KMO: variants seen among roughly 807,000 people sequenced by gnomAD.
KMO encodes the protein kynurenine 3-monooxygenase, also known as kynurenine 3-hydroxylase.
In KMO, 24 loss-of-function variants were observed where a neutral mutation model predicts 57.8. The ratio of observed to expected loss-of-function variants is 0.42; its 90% CI spans 0.30 to 0.58. The LOEUF (loss-of-function observed/expected upper bound fraction) is 0.58. Among genes scored for constraint, KMO ranks in the 20% least tolerant of loss-of-function variants. The pLI, the probability that KMO is intolerant of heterozygous loss-of-function variation, is 0.22. For synonymous variants in KMO, 210 were observed against 193.6 expected, an observed-to-expected ratio of 1.08 and a Z score of -0.70; for missense variants, 483 against 588.2, an observed-to-expected ratio of 0.82 and a Z score of 1.85.
chr1:241,576,291 T>C (rs1366849418), intron 10 of KMO, among the ~76,000 whole-genome samples: 1 of 152,102 alleles, frequency 6.6e-6, no homozygotes, highest in Non-Finnish European at 1.5e-5. Flanking sequence ...AGGTGCTGTT[T>C]CAGTCATCAT....
At chr1:241,566,418 A>G in intron 8 of KMO, 73 bp from the exon 9 acceptor site, 5 of 1,513,264 alleles carry the variant, frequency 3.3e-6, no homozygotes, top group Non-Finnish European at 8.9e-7. Flanking sequence ...AAGTCTTGTG[A>G]TTTCAGGAGC....
chr1:241,549,603 G>A (rs1279019989), intron 2 of KMO, 74 bp from the exon 3 acceptor site: 1 of 825,626 alleles, frequency 1.2e-6, no homozygotes, highest in Non-Finnish European at 2.0e-6. Context: ...CAGTTGTTCA[G>A]ATGCAGTAAT....
intron 1 of KMO, among the ~76,000 whole-genome samples, chr1:241,535,352 G>GA (rs199925918): frequency 6.7e-4 from 99 of 148,570 alleles, no homozygotes; most frequent in African/African-American, 2.3e-3. Flanking sequence ...CTGGCCCCTA[G>GA]AAAAAAAAAT....
At chr1:241,546,313 C>A (rs775828277) in intron 1 of KMO, among the ~76,000 whole-genome samples, 3 of 152,176 alleles carry the variant, frequency 2.0e-5, no homozygotes, top group Non-Finnish European at 4.4e-5. Context: ...AAGTCCTCAG[C>A]CTCTCTTGCA....
In KMO at chr1:241,594,299, C is replaced by A; in HGVS notation, c.*2146C>A. ...GAGGCCCAAGAGCATATGGGCAATT[C>A]GGATTTCCTGCTGGACCACAAGGTT... On this transcript the variant is annotated 3_prime_UTR_variant, in exon 15 of 15. Coordinates refer to ENST00000366559, the MANE Select transcript of KMO (RefSeq NM_003679.5). 2 of 1,053,858 alleles carry A rather than the reference C, an allele frequency of 1.9e-6. No homozygotes were observed. The highest frequency in any genetic ancestry group is 2.7e-6 in the Non-Finnish European group (2 of 729,620). 65.3% of individuals were successfully genotyped at this position (1,053,858 alleles called of 1,614,324 possible).
At chr1:241,547,013 G>A (rs762129826) in intron 1 of KMO, among the ~76,000 whole-genome samples, 9 of 152,112 alleles carry the variant, frequency 5.9e-5, no homozygotes, top group East Asian at 1.9e-4. Flanking sequence ...TTTAGTTAAC[G>A]GTATTGACTA....
At chr1:241,581,602 G>A (rs604958) in intron 10 of KMO, among the ~76,000 whole-genome samples, 134,760 of 152,018 alleles carry the variant, frequency 0.89, 59,797 homozygotes, top group Middle Eastern at 0.94. Context: ...AAGAAAGAAA[G>A]AAGAAAAAAA....
In KMO at chr1:241,592,039, T is replaced by C; in HGVS notation, c.1347T>C (p.Ser449=). The part of the protein sequence containing the change: ...YLLIHYMSPR[S]FLRLRRPWNW... ...TTATACACTACATGTCACCACGATCTTTCCTCCGCTTGAGAAGACCATGGA... is the reference window on the plus strand; with the variant it reads ...TTATACACTACATGTCACCACGATCCTTCCTCCGCTTGAGAAGACCATGGA... The change falls in exon 15 of 15, where the codon TCT becomes TCC. Residue 449 remains serine (S), a synonymous_variant. Transcript: ENST00000366559. 1 of 1,613,992 alleles carries C rather than the reference T, an allele frequency of 6.2e-7. No individual in the cohort carries two copies. Among genetic ancestry groups the C allele is most frequent in the Non-Finnish European group, 8.5e-7 (1 of 1,179,952 alleles).
intron 2 of KMO, among the ~76,000 whole-genome samples, chr1:241,549,221 G>GAA (rs1661281453): frequency 1.2e-4 from 1 of 8,120 alleles, no homozygotes; most frequent in African/African-American, 2.0e-4. Context: ...AAGAAAGAAA[G>GAA]AAAGAAAGAA....
At position 241,594,588 on chromosome 1, in the gene KMO, A is replaced by G; in HGVS notation, c.*2435A>G. ...GTCCCCATCTTTCTGTGACATCACA[A>G]TGGGTCTGATCTGCATTTCACTTCC... On this transcript the variant is annotated 3_prime_UTR_variant, in exon 15 of 15. Transcript: ENST00000366559. 6 of 1,614,136 alleles carry G rather than the reference A, an allele frequency of 3.7e-6. No homozygotes were observed. Among genetic ancestry groups the G allele is most frequent in the Non-Finnish European group, 4.2e-6 (5 of 1,179,996 alleles).
At chr1:241,575,682 G>A (rs1267872476) in intron 10 of KMO, among the ~76,000 whole-genome samples, 2 of 152,038 alleles carry the variant, frequency 1.3e-5, no homozygotes, top group South Asian at 4.1e-4. Flanking sequence ...CTTGTTTTAT[G>A]ACCTACCATA....
At position 241,540,499 on chromosome 1, in the gene KMO, G is replaced by C. The variant is rs564530916; in HGVS notation, c.54+8001G>C. Among the ~76,000 whole-genome samples, 31 of 152,198 alleles carry C rather than the reference G, an allele frequency of 2.0e-4. No individual in the cohort carries two copies. In the South Asian group the frequency reaches 6.2e-3, roughly 31 times the overall value. ...TTTTCCAAAAACTGAATATAAGGCA[G>C]GGAAGGATAGTATTCAAAGGCATGG... On this transcript the variant is annotated intron_variant, in intron 1 of 14. Transcript: ENST00000366559.
intron 6 of KMO, 39 bp from the exon 7 acceptor site, chr1:241,562,128 G>A (rs760928008): frequency 6.3e-6 from 10 of 1,580,910 alleles, no homozygotes; most frequent in South Asian, 5.6e-5. Context: ...TTCACCACTA[G>A]ACATATTTTT....
At chr1:241,560,551 A>G (rs1038031617) in intron 5 of KMO, 114 bp from the exon 6 acceptor site, 13 of 720,594 alleles carry the variant, frequency 1.8e-5, no homozygotes, top group Non-Finnish European at 3.2e-5. Context: ...TTACATTGTT[A>G]TGAATAAAAT....
intron 4 of KMO, among the ~76,000 whole-genome samples, chr1:241,553,333 A>G (rs57036117): frequency 0.086 from 13,162 of 152,252 alleles, 684 homozygotes; most frequent in Middle Eastern, 0.15. Context: ...AGGGATGACA[A>G]GTCTATCAGT....
intron 4 of KMO, among the ~76,000 whole-genome samples, chr1:241,554,981 C>CA (rs111385894): frequency 3.3e-3 from 449 of 136,776 alleles, no homozygotes; most frequent in African/African-American, 9.1e-3. Context: ...GACTCTGTTT[C>CA]AAAAAAAAAA....
chr1:241,567,458 C>A (rs576763848), intron 9 of KMO, among the ~76,000 whole-genome samples: 2 of 152,122 alleles, frequency 1.3e-5, no homozygotes, highest in African/African-American at 4.8e-5. Flanking sequence ...ACTCCCAAGA[C>A]CTAATCACCA....
At chr1:241,548,448 A>G (rs1661236536) in intron 1 of KMO, among the ~76,000 whole-genome samples, 1 of 152,126 alleles carries the variant, frequency 6.6e-6, no homozygotes, top group African/African-American at 2.4e-5. Flanking sequence ...GTTTTGGAGG[A>G]ATGACGCTAT....
chr1:241,549,754 G>A lies in KMO; in HGVS notation c.202G>A (p.Ala68Thr). ...LSHRGRQALK[A>T]VGLEDQIVSQ... The stretch of plus-strand genomic sequence containing the variant: ...TCATAGAGGACGACAAGCCTTGAAA[G>A]CTGTTGGCCTGGAAGATCAGGTACT... Residue 68 changes from alanine to threonine, a missense_variant, in exon 3 of 15, where the codon GCT becomes ACT. By Grantham distance (58) the Ala-to-Thr change is moderately conservative. Coordinates refer to ENST00000366559, the MANE Select transcript of KMO (RefSeq NM_003679.5). The A allele has an allele frequency of 6.2e-7, 1 of 1,611,252 alleles. No homozygotes were observed. The highest frequency in any genetic ancestry group is 8.5e-7 in the Non-Finnish European group (1 of 1,177,712).
Sources: allele counts gnomAD v4.1 joint callset (sites outside exome capture counted in the v4.1 genomes callset), GRCh38; gene constraint gnomAD v4.1.1; transcripts MANE v1.5; gene names NCBI Gene and HGNC (gene_info 2026-07-23, HGNC 2026-07-21).